NBEA: variants seen among roughly 807,000 people sequenced by gnomAD.
NBEA encodes neurobeachin.
A neutral mutation model predicts 343.4 loss-of-function variants in NBEA; 44 were observed. That is an observed-to-expected ratio of 0.13 (90% confidence interval 0.10 to 0.16). The LOEUF is 0.16. NBEA is among the 10% of genes least tolerant of loss of function. The pLI is 1.00. For synonymous variants in NBEA, 1,175 were observed against 1,238.7 expected, an observed-to-expected ratio of 0.95 and a Z score of 1.08; for missense variants, 2,555 against 3,631.3, an observed-to-expected ratio of 0.70 and a Z score of 7.62.
chr13:35,519,742 A>G (rs1301046190), intron 41 of NBEA, among the ~76,000 whole-genome samples: 1 of 152,120 alleles, frequency 6.6e-6, no homozygotes, highest in Non-Finnish European at 1.5e-5. Flanking sequence ...AATAACTGGG[A>G]TATTACCTGA....
chr13:35,601,789 A>AG (rs2082067200), intron 47 of NBEA, among the ~76,000 whole-genome samples: 1 of 149,604 alleles, frequency 6.7e-6, no homozygotes, highest in African/African-American at 2.5e-5. Flanking sequence ...AAAAAAAGAA[A>AG]AAAAAAAAGA....
chr13:35,476,066 C>A, intron 41 of NBEA: 1 of 1,614,220 alleles, frequency 6.2e-7, no homozygotes, highest in Non-Finnish European at 8.5e-7. Context: ...GCAATGGCAG[C>A]TTTCCTGGCT....
intron 7 of NBEA, among the ~76,000 whole-genome samples, 187 bp downstream of exon 7, chr13:35,056,316 TA>T (rs535724448): frequency 3.3e-5 from 5 of 152,064 alleles, no homozygotes; most frequent in Non-Finnish European, 7.4e-5. Context: ...GATTAGTGAT[TA>T]AAAAAACAGA....
At position 35,389,988 on chromosome 13, in the gene NBEA, T is replaced by TGTGTGTGTGC. The variant is rs1251007920; in HGVS notation, c.6179+37674_6179+37675insCGTGTGTGTG. ...TTTGTAGAGTGTGTGTGTGTGTGTGTGTGTGTGTGTGTGTGTACTCAGTAC... is the reference window on the plus strand; with the variant it reads ...TTTGTAGAGTGTGTGTGTGTGTGTGTGTGTGTGTGCGTGTGTGTGTGTGTGTACTCAGTAC... On this transcript the variant is annotated intron_variant, in intron 38 of 58. Coordinates refer to ENST00000379939, the MANE Select transcript of NBEA (RefSeq NM_001385012.1). Among the ~76,000 whole-genome samples the TGTGTGTGTGC allele has an allele frequency of 5.9e-5, 9 of 151,548 alleles. No homozygotes were observed. The South Asian group carries it at 1.3e-3, about 21-fold the overall frequency.
chr13:35,310,366 C>T (rs1487244215), intron 36 of NBEA, among the ~76,000 whole-genome samples: 3 of 152,214 alleles, frequency 2.0e-5, no homozygotes, highest in Non-Finnish European at 2.9e-5. Flanking sequence ...AGACTGAAAC[C>T]GTTTTTATCC....
intron 17 of NBEA, among the ~76,000 whole-genome samples, chr13:35,141,073 TA>T (rs1374302424): frequency 1.3e-5 from 2 of 152,124 alleles, no homozygotes; most frequent in East Asian, 3.9e-4. Flanking sequence ...AGAACTCAGT[TA>T]AATAGTCACA....
chr13:34,982,655 ACTT>A (rs1185464394), intron 1 of NBEA, among the ~76,000 whole-genome samples: 1 of 152,142 alleles, frequency 6.6e-6, no homozygotes, highest in Admixed American at 6.6e-5. Context: ...GGACTTCAGT[ACTT>A]TTAAATTTAT....
intron 41 of NBEA, among the ~76,000 whole-genome samples, chr13:35,483,928 C>A (rs2152968425): frequency 6.6e-6 from 1 of 152,128 alleles, no homozygotes; most frequent in Middle Eastern, 3.4e-3. Flanking sequence ...GGCCTCTATA[C>A]ATTTTCCGTA....
chr13:35,523,407 G>C (rs1291982511), intron 41 of NBEA, among the ~76,000 whole-genome samples: 2 of 152,184 alleles, frequency 1.3e-5, no homozygotes, highest in Non-Finnish European at 2.9e-5. Flanking sequence ...GAAAATAGAA[G>C]TTCAGTTTGG....
intron 38 of NBEA, among the ~76,000 whole-genome samples, chr13:35,418,607 A>G (rs541696685): frequency 6.6e-6 from 1 of 152,180 alleles, no homozygotes; most frequent in South Asian, 2.1e-4. Flanking sequence ...GAAGGATGGA[A>G]AGAAATAGAC....
intron 41 of NBEA, among the ~76,000 whole-genome samples, chr13:35,488,050 G>A (rs148586813): frequency 4.7e-4 from 71 of 151,920 alleles, no homozygotes; most frequent in African/African-American, 1.6e-3. Flanking sequence ...TATTATTACC[G>A]AGGTCCTAAG....
chr13:35,179,843 A>G (rs2071188866), intron 28 of NBEA: 12 of 941,004 alleles, frequency 1.3e-5, no homozygotes, highest in Non-Finnish European at 1.5e-5. Flanking sequence ...TTCCTTTGTA[A>G]TAACTGCTTA....
chr13:35,543,360 A>G (rs905834229), intron 41 of NBEA, among the ~76,000 whole-genome samples: 4 of 152,188 alleles, frequency 2.6e-5, no homozygotes, highest in African/African-American at 9.7e-5. Context: ...TGTATTATAG[A>G]CAGTGTTATT....
intron 38 of NBEA, among the ~76,000 whole-genome samples, chr13:35,421,075 G>T (rs2044242009): frequency 1.3e-5 from 2 of 151,312 alleles, no homozygotes; most frequent in Admixed American, 6.6e-5. Flanking sequence ...GAGAATTTAG[G>T]TTACTGATTT....
chr13:35,381,031 C>T (rs1488069583), intron 38 of NBEA, among the ~76,000 whole-genome samples: 1 of 151,906 alleles, frequency 6.6e-6, no homozygotes, highest in African/African-American at 2.4e-5. Flanking sequence ...ATCATAATTG[C>T]CATATGATTT....
intron 44 of NBEA, among the ~76,000 whole-genome samples, chr13:35,562,387 G>C (rs2079897447): frequency 6.6e-6 from 1 of 152,140 alleles, no homozygotes; most frequent in Middle Eastern, 3.4e-3. Flanking sequence ...TTATGCAAAA[G>C]ATATTAAAGC....
At chr13:35,656,125 T>G (rs566798804) in intron 55 of NBEA, among the ~76,000 whole-genome samples, 1 of 152,242 alleles carries the variant, frequency 6.6e-6, no homozygotes, top group Non-Finnish European at 1.5e-5. Context: ...ATTTTGCCTG[T>G]GTCTCATTCA....
chr13:34,979,913 C>CT (rs1237379384), intron 1 of NBEA, among the ~76,000 whole-genome samples: 2 of 152,042 alleles, frequency 1.3e-5, no homozygotes, highest in African/African-American at 4.8e-5. Context: ...GTTCAGATTT[C>CT]TTTTTTCATA....
intron 18 of NBEA, among the ~76,000 whole-genome samples, chr13:35,150,210 A>T (rs2152703200): frequency 6.6e-6 from 1 of 152,334 alleles, no homozygotes; most frequent in South Asian, 2.1e-4. Flanking sequence ...TTTTTCAAGG[A>T]CTTTGAGTTT....
Sources: gnomAD v4.1 joint callset for allele counts (sites outside exome capture counted in the v4.1 genomes callset) on GRCh38, gnomAD v4.1.1 for gene constraint, MANE v1.5 for transcripts, NCBI Gene and HGNC (gene_info 2026-07-23, HGNC 2026-07-21) for gene names.